Variants in ENPP1 observed in about 807,000 individuals in gnomAD.
ENPP1 encodes ectonucleotide pyrophosphatase/phosphodiesterase 1.
In ENPP1, 73 loss-of-function variants were observed where a neutral mutation model predicts 122.8. That is an observed-to-expected ratio of 0.59 (90% CI 0.49 to 0.72). The LOEUF (loss-of-function observed/expected upper bound fraction) is 0.72, where lower values mean the gene tolerates loss of function less well. ENPP1 is among the 30% of genes least tolerant of loss of function. The pLI, the probability that ENPP1 is intolerant of heterozygous loss-of-function variation, is 0.00. For missense variants in ENPP1, 978 were observed against 1,128.1 expected, an observed-to-expected ratio of 0.87 and a Z score of 1.91; for synonymous variants, 367 against 391.6, an observed-to-expected ratio of 0.94 and a Z score of 0.74.
chr6:131,827,866 G>T, intron 1 of ENPP1: 1 of 1,405,844 alleles, frequency 7.1e-7, no homozygotes, highest in Non-Finnish European at 1.0e-6. Context: ...CTTGGACTCG[G>T]AGAGTTTCAG....
chr6:131,856,639 T>G (rs554259895), intron 6 of ENPP1, among the ~76,000 whole-genome samples: 167 of 143,732 alleles, frequency 1.2e-3, no homozygotes, highest in Non-Finnish European at 2.0e-3. Context: ...CGTTTAAATC[T>G]TTAATCCATC....
intron 1 of ENPP1, among the ~76,000 whole-genome samples, chr6:131,844,165 C>T (rs1781775736): frequency 6.6e-6 from 1 of 152,172 alleles, no homozygotes; most frequent in Non-Finnish European, 1.5e-5. Flanking sequence ...AAATAAACAC[C>T]TTGGACAACT....
At chr6:131,851,445 G>A in intron 4 of ENPP1, 178 bp downstream of exon 4, 1 of 683,342 alleles carries the variant, frequency 1.5e-6, no homozygotes, top group Non-Finnish European at 2.5e-6. Context: ...TGGGGAGAGA[G>A]AGTATGTAAT....
At position 131,860,390 on chromosome 6, in the gene ENPP1, T is replaced by C. The variant is rs1156767293; in HGVS notation, c.799T>C (p.Leu267=). ...TAATCTGTTTTATCTTTTTTAGGGATTGTATCCAGAATCTCATGGCATAAT... is the reference window on the plus strand; with the variant it reads ...TAATCTGTTTTATCTTTTTTAGGGACTGTATCCAGAATCTCATGGCATAAT... ...FPNHYSIVTG[L]YPESHGIIDN... The change falls in exon 8 of 25, where the codon TTG becomes CTG. Residue 267 remains leucine, a synonymous_variant. Transcript: ENST00000647893. 2 of 1,595,200 alleles carry C rather than the reference T, an allele frequency of 1.3e-6. No homozygotes were observed. The highest frequency in any genetic ancestry group is 2.2e-5 in the East Asian group (1 of 44,610).
At chr6:131,821,370 A>T (rs1781482939) in intron 1 of ENPP1, among the ~76,000 whole-genome samples, 1 of 152,222 alleles carries the variant, frequency 6.6e-6, no homozygotes, top group Admixed American at 6.5e-5. Context: ...AAACAAAATG[A>T]AAAAACTCAA....
At chr6:131,888,790 A>G (rs1397454097) in intron 24 of ENPP1, among the ~76,000 whole-genome samples, 1 of 152,124 alleles carries the variant, frequency 6.6e-6, no homozygotes, top group Non-Finnish European at 1.5e-5. Flanking sequence ...TCCCTGCTTC[A>G]TTATTTCGTT....
At chr6:131,869,837 C>T (rs1218954722) in intron 13 of ENPP1, among the ~76,000 whole-genome samples, 1 of 126,884 alleles carries the variant, frequency 7.9e-6, no homozygotes, top group Admixed American at 8.9e-5. Flanking sequence ...GCCTGGGCAA[C>T]TGAGTGAGAC....
rs1216057938 is a variant in ENPP1, at chr6:131,891,128, TA to T, written c.*619del. 1 of 152,592 alleles carries T rather than the reference TA, an allele frequency of 6.6e-6. No individual in the cohort carries two copies. The highest frequency in any genetic ancestry group is 1.5e-5 in the Non-Finnish European group (1 of 68,352). 9.5% of individuals were successfully genotyped at this position (152,592 alleles called of 1,614,324 possible). On this transcript the variant is annotated 3_prime_UTR_variant, in exon 25 of 25. Transcript: ENST00000647893. ...TTTTTTGATTGGATTTCTTTAGATT[TA>T]ATGGTTCAAATGAGTTCAACTTTGA...
Position 131,811,420 on chromosome 6 carries a change from A to G in ENPP1, c.240+3145A>G, listed in dbSNP as rs549185115. 3.9e-3 allele frequency among the ~76,000 whole-genome samples: 576 copies of G among 147,364 alleles called. 6 individuals are homozygous for G. Among genetic ancestry groups the G allele is most frequent in the African/African-American group, 0.015 (546 of 37,344 alleles). On this transcript the variant is annotated intron_variant, in intron 1 of 24. Coordinates refer to ENST00000647893, the MANE Select transcript of ENPP1 (RefSeq NM_006208.3). ...TATATCTATATCTATATCTATATCT[A>G]TATCTATATCTATATATATGTAGAG...
Position 131,820,020 on chromosome 6 carries a change from T to G in ENPP1, c.240+11745T>G, listed in dbSNP as rs541448776. ...ACTCAGCTGTTCCCCATAAGAAATC[T>G]GTTATCAAAGATAATCTCCATGGAG... is the stretch of plus-strand genomic sequence containing the variant. On this transcript the variant is annotated intron_variant, in intron 1 of 24. Coordinates refer to ENST00000647893, the MANE Select transcript of ENPP1 (RefSeq NM_006208.3). 186 of 559,760 alleles carry G rather than the reference T, an allele frequency of 3.3e-4. 5 individuals are homozygous for G. Among genetic ancestry groups the G allele is most frequent in the South Asian group, 2.7e-3 (184 of 67,204 alleles). 34.7% of individuals were successfully genotyped at this position (559,760 alleles called of 1,614,324 possible). A position where few individuals can be genotyped will look rare whatever the true frequency, so the allele number is the denominator to read the frequency against.
chr6:131,847,724 T>C (rs1781827504), intron 1 of ENPP1, 52 bp from the exon 2 acceptor site: 1 of 1,278,412 alleles, frequency 7.8e-7, no homozygotes. Flanking sequence ...AAAAATAAGA[T>C]AAAATATTTT....
At chr6:131,863,614 C>T (rs574493029) in intron 9 of ENPP1, among the ~76,000 whole-genome samples, 14 of 152,026 alleles carry the variant, frequency 9.2e-5, no homozygotes, top group African/African-American at 3.4e-4. Context: ...ATTCCATGGA[C>T]AGTAATTAAG....
At chr6:131,881,384 A>C (rs560989025) in intron 20 of ENPP1, among the ~76,000 whole-genome samples, 4 of 152,240 alleles carry the variant, frequency 2.6e-5, no homozygotes, top group African/African-American at 9.6e-5. Flanking sequence ...CCTATTTATT[A>C]ATATTTATAC....
At chr6:131,864,680 C>T (rs779797236) in intron 10 of ENPP1, 109 bp downstream of exon 10, 30 of 858,424 alleles carry the variant, frequency 3.5e-5, no homozygotes, top group African/African-American at 5.1e-5. Flanking sequence ...TGTTTTATAT[C>T]GAAATAAATT....
At chr6:131,817,939 A>T (rs1183884004) in intron 1 of ENPP1, among the ~76,000 whole-genome samples, 1 of 152,086 alleles carries the variant, frequency 6.6e-6, no homozygotes. Context: ...CTTTGCACAG[A>T]CTTAGCTGGC....
In ENPP1 at chr6:131,894,829, G is replaced by A. The variant is rs916681483; in HGVS notation, c.*4318G>A. On this transcript the variant is annotated 3_prime_UTR_variant, in exon 25 of 25. Transcript: ENST00000647893. ...GAACAGGGACCACCCCCTCCTCTGG[G>A]AGAAGCTGTTACCCCCTTCACTTTT... is the stretch of plus-strand genomic sequence containing the variant. The A allele has an allele frequency of 1.4e-4, 22 of 152,502 alleles. No homozygotes were observed. The highest frequency in any genetic ancestry group is 4.1e-4 in the African/African-American group (17 of 41,568). 9.4% of individuals were successfully genotyped at this position (152,502 alleles called of 1,614,324 possible).
chr6:131,819,952 TTC>T, intron 1 of ENPP1: 2 of 566,100 alleles, frequency 3.5e-6, no homozygotes, highest in South Asian at 1.6e-5. Flanking sequence ...TTTTTTTTTT[TTC>T]GCATCTTGCT....
At chr6:131,825,327 C>T (rs1036252834) in intron 1 of ENPP1, among the ~76,000 whole-genome samples, 1 of 152,068 alleles carries the variant, frequency 6.6e-6, no homozygotes, top group East Asian at 1.9e-4. Flanking sequence ...TTGACCACTT[C>T]GTAACTTTTT....
chr6:131,840,525 C>T (rs1005002465), intron 1 of ENPP1, among the ~76,000 whole-genome samples: 3 of 152,212 alleles, frequency 2.0e-5, no homozygotes, highest in African/African-American at 7.2e-5. Context: ...ACCATTTATT[C>T]AGTAACCCTA....
Sources: gnomAD v4.1 joint callset for allele counts (sites outside exome capture counted in the v4.1 genomes callset) on GRCh38, gnomAD v4.1.1 for gene constraint, MANE v1.5 for transcripts, NCBI Gene and HGNC (gene_info 2026-07-23, HGNC 2026-07-21) for gene names.